Variants in PLN observed in about 807,000 individuals in gnomAD.
PLN encodes phospholamban.
Under a neutral mutation model 3.9 loss-of-function variants are expected in PLN, and 1 was observed. The ratio of observed to expected loss-of-function variants is 0.26; its 90% CI spans 0.09 to 1.23. The LOEUF is 1.23. PLN is among the 50% of genes most tolerant of loss of function. PLN has a pLI of 0.48. For synonymous variants in PLN, 21 were observed against 20.5 expected (o/e 1.02, Z -0.07); for missense variants, 59 against 62.7 (o/e 0.94, Z 0.20).
intron 1 of PLN, among the ~76,000 whole-genome samples, chr6:118,552,459 T>G (rs1778605274): frequency 6.6e-6 from 1 of 152,022 alleles, no homozygotes; most frequent in South Asian, 2.1e-4. Flanking sequence ...CGCACAAGAA[T>G]GCATCTGATA....
At chr6:118,558,626 T>TACACACACACACACACACACACAC (rs371775061) in intron 1 of PLN, among the ~76,000 whole-genome samples, 199 bp from the exon 2 acceptor site, 4 of 111,664 alleles carry the variant, frequency 3.6e-5, no homozygotes, top group South Asian at 3.8e-4. Context: ...CACGTGCACA[T>TACACACACACACACACACACACAC]ACACACACAC....
chr6:118,553,931 G>A (rs981178632), intron 1 of PLN, among the ~76,000 whole-genome samples: 8 of 152,144 alleles, frequency 5.3e-5, no homozygotes, highest in Admixed American at 1.3e-4. Flanking sequence ...GAAAATATTA[G>A]AGCTTACATG....
chr6:118,552,611 T>A (rs1215730372), intron 1 of PLN, among the ~76,000 whole-genome samples: 1 of 151,982 alleles, frequency 6.6e-6, no homozygotes, highest in Non-Finnish European at 1.5e-5. Flanking sequence ...GGCTTTTCTA[T>A]TTCCTTCTTC....
rs149319946 is a variant in PLN, at chr6:118,548,984, T to C, written c.-98+592T>C. Among the ~76,000 whole-genome samples the C allele has an allele frequency of 3.0e-4, 46 of 152,130 alleles. No individual in the cohort carries two copies. The East Asian group carries it at 7.9e-3, about 26-fold the overall frequency. ...AGGATGTTTCCCCTCTAAAGTCCAG[T>C]CAACTTTTAACAAACATTTCTAAAA... On this transcript the variant is annotated intron_variant, in intron 1 of 1. Transcript: ENST00000357525.
intron 1 of PLN, among the ~76,000 whole-genome samples, chr6:118,555,425 CAA>C (rs200889385): frequency 2.6e-5 from 3 of 116,366 alleles, no homozygotes; most frequent in Admixed American, 9.3e-5. Flanking sequence ...AAGACTGTCT[CAA>C]AAAAAAAAAA....
intron 1 of PLN, among the ~76,000 whole-genome samples, chr6:118,558,102 C>T (rs1411577432): frequency 1.3e-5 from 2 of 152,172 alleles, no homozygotes; most frequent in East Asian, 1.9e-4. Context: ...CAGGCACATG[C>T]CACCAGCCTA....
Position 118,559,330 on chromosome 6 carries a change from T to C in PLN, c.*250T>C, listed in dbSNP as rs79199092. 475 of 472,268 alleles carry C rather than the reference T, an allele frequency of 1.0e-3. 5 individuals carry two copies. In the East Asian group the frequency reaches 0.019, roughly 18 times the overall value. 29.3% of individuals were successfully genotyped at this position (472,268 alleles called of 1,614,324 possible). On this transcript the variant is annotated 3_prime_UTR_variant, in exon 2 of 2. Coordinates refer to ENST00000357525, the MANE Select transcript of PLN (RefSeq NM_002667.5). Reference sequence around the variant, plus strand: ...TAAGTGTATAAAATGCAACTGTTGATTTCCTCAACATGGCTCACAAATTTC... The same window carrying C: ...TAAGTGTATAAAATGCAACTGTTGACTTCCTCAACATGGCTCACAAATTTC...
intron 1 of PLN, among the ~76,000 whole-genome samples, chr6:118,557,893 A>T (rs1455488608): frequency 6.6e-6 from 1 of 151,710 alleles, no homozygotes; most frequent in African/African-American, 2.4e-5. Flanking sequence ...ACATGATTCC[A>T]TGTTTTTAAT....
intron 1 of PLN, among the ~76,000 whole-genome samples, 163 bp from the exon 2 acceptor site, chr6:118,558,660 CAG>C (rs369698272): frequency 0.031 from 3,774 of 122,016 alleles, 140 homozygotes; most frequent in African/African-American, 0.097. Context: ...CACACACACA[CAG>C]AGAGAGAGAG....
rs116458064 is a variant in PLN at position 118,558,816 on chromosome 6, A to G, written c.-97-9A>G. The G allele has an allele frequency of 7.0e-5, 55 of 782,322 alleles. No homozygotes were observed. In the African/African-American group the frequency reaches 7.8e-4, roughly 11 times the overall value. The allele number at this position is 782,322 out of a possible 1,614,324, so 48.5% of individuals were successfully genotyped here. A position where few individuals can be genotyped will look rare whatever the true frequency, so the allele number is the denominator to read the frequency against. ...TGATTCTAATCCATTTATTATTTTT[A>G]CATTCCAGGCTACCTAAAAGAAGAC... On this transcript the variant is annotated splice_polypyrimidine_tract_variant and intron_variant, in intron 1 of 1. Transcript: ENST00000357525.
intron 1 of PLN, among the ~76,000 whole-genome samples, 192 bp from the exon 2 acceptor site, chr6:118,558,621 GCACATACACACA>G (rs760861467): frequency 1.2e-4 from 7 of 60,010 alleles, no homozygotes; most frequent in African/African-American, 3.1e-4. Flanking sequence ...AGAAACACGT[GCACATACACACA>G]CACACACACA....
At chr6:118,555,950 CTCCA>C (rs1467356920) in intron 1 of PLN, among the ~76,000 whole-genome samples, 1 of 152,194 alleles carries the variant, frequency 6.6e-6, no homozygotes, top group Non-Finnish European at 1.5e-5. Flanking sequence ...TGACCTCCAG[CTCCA>C]TCCATGTTCC....
At chr6:118,550,233 G>A (rs1778462685) in intron 1 of PLN, among the ~76,000 whole-genome samples, 1 of 151,886 alleles carries the variant, frequency 6.6e-6, no homozygotes, top group South Asian at 2.1e-4. Flanking sequence ...AAAGGAAAAT[G>A]ATCACATTTG....
chr6:118,548,834 T>C (rs1250094258), intron 1 of PLN, among the ~76,000 whole-genome samples: 2 of 152,058 alleles, frequency 1.3e-5, no homozygotes, highest in Non-Finnish European at 2.9e-5. Flanking sequence ...CTAATATGAA[T>C]AGTCATTTGA....
intron 1 of PLN, among the ~76,000 whole-genome samples, chr6:118,555,289 A>G (rs531816873): frequency 6.2e-4 from 95 of 152,080 alleles, no homozygotes; most frequent in African/African-American, 2.1e-3. Context: ...AAAATTAGGC[A>G]TGGTGGCGGG....
chr6:118,553,902 T>A (rs1015533949), intron 1 of PLN, among the ~76,000 whole-genome samples: 1 of 152,198 alleles, frequency 6.6e-6, no homozygotes, highest in Admixed American at 6.5e-5. Flanking sequence ...TTCTCACCTG[T>A]GATAGAAAGA....
chr6:118,558,733 TGAGG>T, intron 1 of PLN, 88 bp from the exon 2 acceptor site: 1 of 628,496 alleles, frequency 1.6e-6, no homozygotes. Context: ...ACAATAGTGC[TGAGG>T]AAGATGAATT....
chr6:118,551,292 A>G (rs1463610862), intron 1 of PLN, among the ~76,000 whole-genome samples: 1 of 151,796 alleles, frequency 6.6e-6, no homozygotes, highest in African/African-American at 2.4e-5. Context: ...GCCTTTGAAA[A>G]GGTACTCCAT....
intron 1 of PLN, among the ~76,000 whole-genome samples, chr6:118,552,654 A>C (rs9489436): frequency 0.16 from 25,033 of 151,720 alleles, 2,207 homozygotes; most frequent in Non-Finnish European, 0.19. Context: ...TACCATCTTG[A>C]ACTTGATTTT....
Sources: gnomAD v4.1 joint callset for allele counts (sites outside exome capture counted in the v4.1 genomes callset) on GRCh38, gnomAD v4.1.1 for gene constraint, MANE v1.5 for transcripts, NCBI Gene and HGNC (gene_info 2026-07-23, HGNC 2026-07-21) for gene names.